The following KLHL1 variants were observed in gnomAD, a reference collection of about 807,000 sequenced individuals.
The protein encoded by KLHL1 is kelch like family member 1, also known as kelch-like protein 1.
KLHL1 carries 47 observed loss-of-function variants against 77.7 expected under a neutral mutation model. That is an observed-to-expected ratio of 0.60 (90% CI 0.48 to 0.77). The LOEUF (loss-of-function observed/expected upper bound fraction) is 0.77. Ranked by LOEUF, KLHL1 falls within the 30% of genes least tolerant of loss-of-function variation. The pLI is 0.00. For synonymous variants in KLHL1, 360 were observed against 325.2 expected, an observed-to-expected ratio of 1.11 and a Z score of -1.15; for missense variants, 925 against 910.8, an observed-to-expected ratio of 1.02 and a Z score of -0.20.
At chr13:69,803,869 CA>C (rs1444725809) in intron 6 of KLHL1, among the ~76,000 whole-genome samples, 8 of 152,246 alleles carry the variant, frequency 5.3e-5, no homozygotes, top group African/African-American at 1.9e-4. Context: ...TACATTTTGT[CA>C]ACAATCAAAA....
intron 1 of KLHL1, among the ~76,000 whole-genome samples, chr13:69,988,480 A>G (rs1325974313): frequency 6.6e-6 from 1 of 152,086 alleles, no homozygotes; most frequent in Non-Finnish European, 1.5e-5. Flanking sequence ...GTATATACTC[A>G]GTAGTGGAAT....
chr13:69,728,649 C>CAAAAAAAAAAAAAAAAA (rs536317353), intron 8 of KLHL1, among the ~76,000 whole-genome samples: 2 of 132,854 alleles, frequency 1.5e-5, no homozygotes, highest in Admixed American at 7.5e-5. Context: ...CTAAAAATGC[C>CAAAAAAAAAAAAAAAAA]AAAAAAAAAA....
intron 10 of KLHL1, among the ~76,000 whole-genome samples, chr13:69,706,356 C>A (rs1461832355): frequency 1.3e-5 from 2 of 151,826 alleles, no homozygotes; most frequent in Non-Finnish European, 2.9e-5. Context: ...AATGCAGATA[C>A]CTTAGTCTAG....
At chr13:70,048,964 C>T (rs1401493208) in intron 1 of KLHL1, among the ~76,000 whole-genome samples, 5 of 152,112 alleles carry the variant, frequency 3.3e-5, no homozygotes, top group Non-Finnish European at 7.4e-5. Flanking sequence ...TTTTGTTTTG[C>T]TTGGAGTTAG....
At chr13:70,023,921 G>T (rs1885867160) in intron 1 of KLHL1, among the ~76,000 whole-genome samples, 2 of 151,828 alleles carry the variant, frequency 1.3e-5, no homozygotes, top group Non-Finnish European at 2.9e-5. Context: ...ACTTACTAAA[G>T]GGGTGATTAC....
chr13:69,759,103 G>T (rs968096908), intron 7 of KLHL1, among the ~76,000 whole-genome samples: 1 of 151,964 alleles, frequency 6.6e-6, no homozygotes, highest in African/African-American at 2.4e-5. Flanking sequence ...CAGCAGGGAG[G>T]CAAATCTGGG....
At chr13:70,002,054 G>T (rs1373214767) in intron 1 of KLHL1, among the ~76,000 whole-genome samples, 3 of 151,432 alleles carry the variant, frequency 2.0e-5, no homozygotes, top group Non-Finnish European at 4.4e-5. Context: ...TATTAAAGCA[G>T]GCTATTAGTA....
At chr13:69,758,080 G>T (rs2137960378) in intron 7 of KLHL1, among the ~76,000 whole-genome samples, 1 of 150,742 alleles carries the variant, frequency 6.6e-6, no homozygotes, top group African/African-American at 2.4e-5. Flanking sequence ...GAGATATTTA[G>T]TTTTTCAAAC....
rs774617988 is a variant in KLHL1, at chr13:70,107,350, C to G, written c.350G>C (p.Arg117Thr). The change falls in exon 1 of 11, where the codon AGG becomes ACG. Residue 117 changes from arginine to threonine, a missense_variant. Physicochemically the swap from Arg to Thr is moderately conservative, Grantham distance 71. Coordinates refer to ENST00000377844, the MANE Select transcript of KLHL1 (RefSeq NM_020866.3). ...APGQGTQQPA[R>T]TLFYVESLEE... ...TAGTGACTCCACGTAGAAGAGAGTC[C>G]TGGCTGGCTGCTGAGTGCCCTGCCC... The G allele has an allele frequency of 2.5e-6, 4 of 1,613,870 alleles. No individual in the cohort carries two copies. The African/African-American group carries it at 5.3e-5, about 22-fold the overall frequency.
chr13:69,809,864 C>T (rs1877788172), intron 6 of KLHL1, among the ~76,000 whole-genome samples: 1 of 150,018 alleles, frequency 6.7e-6, no homozygotes. Flanking sequence ...GAAAGGTGTA[C>T]TATGCAAATG....
intron 4 of KLHL1, among the ~76,000 whole-genome samples, chr13:69,931,196 T>C (rs917258306): frequency 6.6e-6 from 1 of 151,714 alleles, no homozygotes; most frequent in Admixed American, 6.6e-5. Context: ...ATTCAACTAA[T>C]GTGAAAATTG....
rs1200160699 is a variant in KLHL1, at chr13:69,939,378, T to TATATACACACAC, written c.1014+661_1014+662insGTGTGTGTATAT. Among the ~76,000 whole-genome samples, 163 of 70,736 alleles carry TATATACACACAC rather than the reference T, an allele frequency of 2.3e-3. 1 individual carries two copies. The highest frequency in any genetic ancestry group is 8.1e-3 in the Middle Eastern group (1 of 124). The allele number at this position is 70,736 out of a possible 152,430, so 46.4% of individuals were successfully genotyped here. ...ATATATATATATATATATATATATA[T>TATATACACACAC]ACACACACACACGCACACACATACA... On this transcript the variant is annotated intron_variant, in intron 4 of 10. Coordinates refer to ENST00000377844, the MANE Select transcript of KLHL1 (RefSeq NM_020866.3).
intron 2 of KLHL1, among the ~76,000 whole-genome samples, chr13:69,975,092 A>C (rs937109801): frequency 6.6e-6 from 1 of 152,084 alleles, no homozygotes; most frequent in African/African-American, 2.4e-5. Flanking sequence ...TAAAACTATT[A>C]GCTTTCAAAT....
intron 1 of KLHL1, among the ~76,000 whole-genome samples, chr13:70,025,238 T>C (rs1350135672): frequency 6.6e-6 from 1 of 152,026 alleles, no homozygotes; most frequent in Non-Finnish European, 1.5e-5. Flanking sequence ...AATGTATGTT[T>C]TAAATATAAT....
chr13:70,063,315 A>T (rs984188931), intron 1 of KLHL1, among the ~76,000 whole-genome samples: 2 of 152,132 alleles, frequency 1.3e-5, no homozygotes, highest in African/African-American at 4.8e-5. Context: ...ATGAATAACA[A>T]GTGCATAATT....
chr13:69,781,285 C>CT (rs869083780), intron 7 of KLHL1, among the ~76,000 whole-genome samples: 7,755 of 119,628 alleles, frequency 0.065, 293 homozygotes, highest in African/African-American at 0.077. Flanking sequence ...TTTTTTCTTT[C>CT]TTTTTTTTTT....
chr13:69,819,024 G>C (rs1408292150), intron 6 of KLHL1, among the ~76,000 whole-genome samples: 1 of 152,120 alleles, frequency 6.6e-6, no homozygotes, highest in Non-Finnish European at 1.5e-5. Context: ...CAAAGCCATA[G>C]GATGATTACT....
intron 7 of KLHL1, among the ~76,000 whole-genome samples, chr13:69,764,527 A>T (rs1011677717): frequency 7.3e-6 from 1 of 136,950 alleles, no homozygotes; most frequent in Non-Finnish European, 1.6e-5. Context: ...AATTCATAAC[A>T]TTTCTACTAA....
At chr13:69,867,458 T>C (rs1247523321) in intron 5 of KLHL1, among the ~76,000 whole-genome samples, 1 of 152,054 alleles carries the variant, frequency 6.6e-6, no homozygotes, top group Non-Finnish European at 1.5e-5. Context: ...AGCCATGTCC[T>C]TTAAACAACA....
Sources: allele counts gnomAD v4.1 joint callset (sites outside exome capture counted in the v4.1 genomes callset), GRCh38; gene constraint gnomAD v4.1.1; transcripts MANE v1.5; gene names NCBI Gene and HGNC (gene_info 2026-07-23, HGNC 2026-07-21).